Variants in SMIM24 observed in about 807,000 individuals in gnomAD.
The protein encoded by SMIM24 is small integral membrane protein 24.
Under a neutral mutation model 10.8 loss-of-function variants are expected in SMIM24, and 6 were observed. That is an observed-to-expected ratio of 0.55 (90% CI 0.30 to 1.09). The LOEUF (loss-of-function observed/expected upper bound fraction) is 1.09. SMIM24 is among the 50% of genes least tolerant of loss of function. SMIM24 has a pLI of 0.06. For missense variants in SMIM24, 151 were observed against 153.4 expected, an observed-to-expected ratio of 0.98 and a Z score of 0.08; for synonymous variants, 71 against 62.4, an observed-to-expected ratio of 1.14 and a Z score of -0.65.
intron 2 of SMIM24, 53 bp downstream of exon 2, chr19:3,478,765 G>T: frequency 1.4e-6 from 2 of 1,392,032 alleles, no homozygotes; most frequent in Non-Finnish European, 2.0e-6. Flanking sequence ...GGGTTGGGAA[G>T]CTGGGGGTGG....
rs1428503268 is a variant in SMIM24 at position 3,477,715 on chromosome 19, TGATG to T, written c.239+700_239+703del. On this transcript the variant is annotated intron_variant, in intron 3 of 3. Coordinates refer to ENST00000215531, the MANE Select transcript of SMIM24 (RefSeq NM_001136503.2). The stretch of plus-strand genomic sequence containing the variant: ...TGGTGGGTGATGGATGGATGGTGGG[TGATG>T]GATGGATGGGTGAGTGGGTGAATGG... Among the ~76,000 whole-genome samples the T allele has an allele frequency of 7.1e-5, 8 of 112,032 alleles. No individual in the cohort carries two copies. The East Asian group carries it at 2.0e-3, about 29-fold the overall frequency. 73.5% of individuals were successfully genotyped at this position (112,032 alleles called of 152,430 possible). A position where few individuals can be genotyped will look rare whatever the true frequency, so the allele number is the denominator to read the frequency against.
At chr19:3,478,280 C>T in intron 3 of SMIM24, 139 bp downstream of exon 3, 4 of 792,924 alleles carry the variant, frequency 5.0e-6, no homozygotes, top group Non-Finnish European at 7.6e-6. Context: ...AAGGAGCTGC[C>T]AGAAGATACA....
intron 2 of SMIM24, 53 bp from the exon 3 acceptor site, chr19:3,478,531 G>A: frequency 6.8e-7 from 1 of 1,465,834 alleles, no homozygotes; most frequent in South Asian, 1.2e-5. Flanking sequence ...AAAGGGGGCG[G>A]TAAAGGGAAG....
At chr19:3,480,292 C>T (rs375157699) in intron 1 of SMIM24, 105 bp downstream of exon 1, 59 of 1,188,022 alleles carry the variant, frequency 5.0e-5, no homozygotes, top group South Asian at 3.9e-4. Flanking sequence ...TCTTCCTTTT[C>T]TTCCTGCCCC....
In SMIM24 at chr19:3,474,631, C is replaced by A. The variant is rs1251266293; in HGVS notation, c.*212G>T. ...ATAAGAAGAATCACCAGGCAGGGAC[C>A]AAGCTCAGGAAGAGGGGTGCATGAA... On this transcript the variant is annotated 3_prime_UTR_variant, in exon 4 of 4. Transcript: ENST00000215531. The A allele has an allele frequency of 1.0e-5, 6 of 583,374 alleles. No individual in the cohort carries two copies. The highest frequency in any genetic ancestry group is 4.7e-4 in the Middle Eastern group (1 of 2,132). 36.1% of individuals were successfully genotyped at this position (583,374 alleles called of 1,614,324 possible).
intron 3 of SMIM24, among the ~76,000 whole-genome samples, chr19:3,475,523 G>T (rs2082788905): frequency 6.6e-6 from 1 of 151,084 alleles, no homozygotes; most frequent in Non-Finnish European, 1.5e-5. Context: ...TGAGTGGTTG[G>T]AAGGATGGAT....
At chr19:3,475,093 C>T (rs2122016202) in intron 3 of SMIM24, 97 bp from the exon 4 acceptor site, 2 of 1,329,850 alleles carry the variant, frequency 1.5e-6, no homozygotes, top group East Asian at 2.5e-5. Context: ...GAGTATTTTA[C>T]AAGCGGTATC....
At position 3,474,634 on chromosome 19, in the gene SMIM24, G is replaced by T; in HGVS notation, c.*209C>A. 1 of 589,342 alleles carries T rather than the reference G, an allele frequency of 1.7e-6. No homozygotes were observed. The allele number at this position is 589,342 out of a possible 1,614,324, so 36.5% of individuals were successfully genotyped here. A position where few individuals can be genotyped will look rare whatever the true frequency, so the allele number is the denominator to read the frequency against. The stretch of plus-strand genomic sequence containing the variant: ...AGAAGAATCACCAGGCAGGGACCAA[G>T]CTCAGGAAGAGGGGTGCATGAAAAC... On this transcript the variant is annotated 3_prime_UTR_variant, in exon 4 of 4. Coordinates refer to ENST00000215531, the MANE Select transcript of SMIM24 (RefSeq NM_001136503.2).
intron 1 of SMIM24, among the ~76,000 whole-genome samples, chr19:3,479,281 T>G (rs1227599334): frequency 1.7e-4 from 19 of 111,162 alleles, no homozygotes; most frequent in South Asian, 6.6e-4. Flanking sequence ...AAGGCGGACC[T>G]CAGAAGGGCG....
chr19:3,475,609 G>GAGTGGA (rs2082789203), intron 3 of SMIM24, among the ~76,000 whole-genome samples: 1 of 149,282 alleles, frequency 6.7e-6, no homozygotes, highest in African/African-American at 2.5e-5. Context: ...GTGGATGGGT[G>GAGTGGA]AGTGGATAGT....
intron 3 of SMIM24, among the ~76,000 whole-genome samples, chr19:3,476,789 G>A (rs895430606): frequency 6.7e-6 from 1 of 149,460 alleles, no homozygotes; most frequent in African/African-American, 2.5e-5. Flanking sequence ...TGGATAAATG[G>A]GTAGGTGGAT....
intron 3 of SMIM24, among the ~76,000 whole-genome samples, chr19:3,475,633 G>A (rs1197927098): frequency 4.6e-5 from 7 of 150,990 alleles, no homozygotes; most frequent in Middle Eastern, 3.5e-3. Context: ...GTGGGTGGAC[G>A]GATGGTAGGT....
At chr19:3,479,044 G>T in intron 1 of SMIM24, 115 bp from the exon 2 acceptor site, 2 of 770,388 alleles carry the variant, frequency 2.6e-6, no homozygotes, top group Non-Finnish European at 4.2e-6. Flanking sequence ...GACAGAGGGG[G>T]TATTGGAAAG....
intron 3 of SMIM24, among the ~76,000 whole-genome samples, chr19:3,476,411 T>A (rs1568215143): frequency 6.6e-6 from 1 of 150,920 alleles, no homozygotes; most frequent in Non-Finnish European, 1.5e-5. Context: ...GATGGATGGG[T>A]GGTTGGAGGG....
At position 3,478,409 on chromosome 19, in the gene SMIM24, C is replaced by A. The variant is rs146333097; in HGVS notation, c.239+10G>T. Reference sequence around the variant, plus strand: ...TTCACACAGACCCCCAGCATCCGCACGCATAGTACCTCTGGTCCTGGTATA... The same window carrying A: ...TTCACACAGACCCCCAGCATCCGCAAGCATAGTACCTCTGGTCCTGGTATA... On this transcript the variant is annotated intron_variant, in intron 3 of 3. Transcript: ENST00000215531. The A allele has an allele frequency of 3.2e-5, 50 of 1,548,034 alleles. No individual in the cohort carries two copies. The African/African-American group carries it at 6.0e-4, about 19-fold the overall frequency.
At chr19:3,479,557 G>T (rs138576819) in intron 1 of SMIM24, among the ~76,000 whole-genome samples, 1 of 150,558 alleles carries the variant, frequency 6.6e-6, no homozygotes, top group Non-Finnish European at 1.5e-5. Flanking sequence ...TTATAAAGGC[G>T]GCAGAGGCTC....
At position 3,474,767 on chromosome 19, in the gene SMIM24, C is replaced by T. The variant is rs955200112; in HGVS notation, c.*76G>A. The T allele has an allele frequency of 1.7e-5, 26 of 1,486,546 alleles. 1 individual carries two copies. The highest frequency in any genetic ancestry group is 1.3e-5 in the Non-Finnish European group (15 of 1,117,758). The allele number at this position is 1,486,546 out of a possible 1,614,324, so 92.1% of individuals were successfully genotyped here. On this transcript the variant is annotated 3_prime_UTR_variant, in exon 4 of 4. Coordinates refer to ENST00000215531, the MANE Select transcript of SMIM24 (RefSeq NM_001136503.2). ...CCAGATGGAGTCATTTCACGGGCTTCAAGTCCAGGGCACTGCTTTTAGGGG... is the reference window on the plus strand; with the variant it reads ...CCAGATGGAGTCATTTCACGGGCTTTAAGTCCAGGGCACTGCTTTTAGGGG...
At chr19:3,479,081 C>G in intron 1 of SMIM24, 152 bp from the exon 2 acceptor site, 2 of 361,036 alleles carry the variant, frequency 5.5e-6, no homozygotes, top group Non-Finnish European at 4.8e-6. Context: ...ACCTGGATGG[C>G]GTAGGGGGGT....
chr19:3,480,337 G>T, intron 1 of SMIM24, 60 bp downstream of exon 1: 1 of 1,381,052 alleles, frequency 7.2e-7, no homozygotes, highest in Admixed American at 2.5e-5. Flanking sequence ...ATTGGGAGAT[G>T]GTGATCACCT....
Sources: allele counts gnomAD v4.1 joint callset (sites outside exome capture counted in the v4.1 genomes callset), GRCh38; gene constraint gnomAD v4.1.1; transcripts MANE v1.5; gene names NCBI Gene and HGNC (gene_info 2026-07-23, HGNC 2026-07-21).